Variants in KCTD16 observed in about 807,000 individuals in gnomAD.
KCTD16 encodes the protein potassium channel tetramerization domain containing 16.
A neutral mutation model predicts 33.2 loss-of-function variants in KCTD16; 13 were observed. The observed-to-expected ratio is 0.39, with a 90% CI of 0.25 to 0.62. KCTD16 has a LOEUF of 0.62. KCTD16 is among the 20% of genes least tolerant of loss of function. The probability of loss-of-function intolerance (pLI) is 0.50; values close to 1 mark genes in which losing one functional copy is unlikely to be tolerated. For missense variants in KCTD16, 441 were observed against 525.1 expected (o/e 0.84, Z 1.57); for synonymous variants, 197 against 195.3 (o/e 1.01, Z -0.07).
At chr5:144,367,690 A>AT (rs949901748) in intron 3 of KCTD16, among the ~76,000 whole-genome samples, 35 of 144,988 alleles carry the variant, frequency 2.4e-4, no homozygotes, top group South Asian at 6.7e-4. Context: ...TCTTTCATTT[A>AT]TTTTTTTTTT....
intron 3 of KCTD16, among the ~76,000 whole-genome samples, chr5:144,393,963 CTTTTTTT>C (rs70995050): frequency 0.012 from 1,454 of 122,006 alleles, 10 homozygotes; most frequent in Middle Eastern, 0.022. Flanking sequence ...TTTCTTTTTT[CTTTTTTT>C]TTTTTTTTTT....
chr5:144,424,921 TCTC>T (rs1297245327), intron 3 of KCTD16, among the ~76,000 whole-genome samples: 1 of 152,102 alleles, frequency 6.6e-6, no homozygotes, highest in Non-Finnish European at 1.5e-5. Context: ...TAGCATTCCA[TCTC>T]TGGCTCCCAC....
rs79431041 is a variant in KCTD16 at position 144,229,407 on chromosome 5, C to G, written c.832+21861C>G. 8.7e-3 allele frequency among the ~76,000 whole-genome samples: 1,324 copies of G among 151,968 alleles called. 16 individuals are homozygous for G. The highest frequency in any genetic ancestry group is 0.03 in the African/African-American group (1,254 of 41,440). On this transcript the variant is annotated intron_variant, in intron 3 of 3. Coordinates refer to ENST00000512467, the MANE Select transcript of KCTD16 (RefSeq NM_020768.4). The stretch of plus-strand genomic sequence containing the variant: ...GAAGATAGTGTTGTTTGAAGTTGAG[C>G]TTATGGAGGGTCAATGAATGAATAA...
chr5:144,249,307 CAT>C (rs1327964057), intron 3 of KCTD16, among the ~76,000 whole-genome samples: 2 of 152,106 alleles, frequency 1.3e-5, no homozygotes, highest in African/African-American at 2.4e-5. Flanking sequence ...GATTGCAGCT[CAT>C]GTGTTCACTC....
At chr5:144,183,382 G>T (rs1752665132) in intron 2 of KCTD16, among the ~76,000 whole-genome samples, 2 of 151,954 alleles carry the variant, frequency 1.3e-5, no homozygotes, top group Admixed American at 1.3e-4. Context: ...CACAACATTT[G>T]CTGTTTGCTT....
chr5:144,287,630 A>G (rs1402413659), intron 3 of KCTD16, among the ~76,000 whole-genome samples: 2 of 152,010 alleles, frequency 1.3e-5, no homozygotes, highest in South Asian at 2.1e-4. Context: ...AGTCTTTAAT[A>G]ATAATATTAT....
rs1754615904 is a variant in KCTD16, at chr5:144,477,308, A to G, written c.*3194A>G. On this transcript the variant is annotated 3_prime_UTR_variant, in exon 4 of 4. Transcript: ENST00000512467. ...AATATGCACTGATGTTATCCTTTGTATTTATAGGCACAGTTATCTTACTGA... is the reference window on the plus strand; with the variant it reads ...AATATGCACTGATGTTATCCTTTGTGTTTATAGGCACAGTTATCTTACTGA... 1 of 152,144 alleles carries G rather than the reference A, an allele frequency of 6.6e-6. No homozygotes were observed. Among genetic ancestry groups the G allele is most frequent in the Non-Finnish European group, 1.5e-5 (1 of 68,006 alleles). The allele number at this position is 152,144 out of a possible 1,614,324, so 9.4% of individuals were successfully genotyped here.
chr5:144,426,463 C>T (rs182050028), intron 3 of KCTD16, among the ~76,000 whole-genome samples: 2 of 152,122 alleles, frequency 1.3e-5, no homozygotes, highest in African/African-American at 4.8e-5. Context: ...CTAGCCTGCT[C>T]TCTAAAATTC....
intron 3 of KCTD16, among the ~76,000 whole-genome samples, chr5:144,246,900 G>T (rs973542648): frequency 6.6e-6 from 1 of 152,100 alleles, no homozygotes; most frequent in African/African-American, 2.4e-5. Flanking sequence ...ATGAACTTTG[G>T]AGTCAGTTAT....
intron 3 of KCTD16, among the ~76,000 whole-genome samples, chr5:144,240,286 C>A (rs1199659458): frequency 6.6e-6 from 1 of 152,134 alleles, no homozygotes; most frequent in East Asian, 1.9e-4. Context: ...ATTATGAAAC[C>A]TCCCGATATC....
At chr5:144,204,044 T>G (rs1256731537) in intron 2 of KCTD16, among the ~76,000 whole-genome samples, 1 of 152,180 alleles carries the variant, frequency 6.6e-6, no homozygotes, top group African/African-American at 2.4e-5. Context: ...AAGTCAAATA[T>G]AATCAGGTGT....
At chr5:144,267,923 G>A (rs1323528475) in intron 3 of KCTD16, among the ~76,000 whole-genome samples, 1 of 152,164 alleles carries the variant, frequency 6.6e-6, no homozygotes, top group African/African-American at 2.4e-5. Flanking sequence ...TACATGAGTG[G>A]AGAGGATTCT....
chr5:144,299,242 A>G (rs1226779358), intron 3 of KCTD16, among the ~76,000 whole-genome samples: 3 of 145,048 alleles, frequency 2.1e-5, no homozygotes, highest in African/African-American at 5.0e-5. Flanking sequence ...AAAATCTTCA[A>G]CCTCTTTCAT....
intron 3 of KCTD16, among the ~76,000 whole-genome samples, chr5:144,300,124 C>T (rs763850858): frequency 1.3e-5 from 2 of 151,952 alleles, no homozygotes; most frequent in Non-Finnish European, 2.9e-5. Flanking sequence ...ATGATCTTAG[C>T]ACATGTTTGT....
At chr5:144,205,791 C>T in intron 2 of KCTD16, 1 of 387,560 alleles carries the variant, frequency 2.6e-6, no homozygotes, top group East Asian at 3.6e-5. Context: ...CTTGTTTTAA[C>T]TTAAGATACG....
intron 3 of KCTD16, among the ~76,000 whole-genome samples, chr5:144,277,081 C>T (rs577871068): frequency 2.7e-4 from 41 of 152,170 alleles, no homozygotes; most frequent in Middle Eastern, 3.4e-3. Flanking sequence ...GCTGCATATC[C>T]ATAGATTTTA....
At chr5:144,183,727 G>C (rs376918264) in intron 2 of KCTD16, among the ~76,000 whole-genome samples, 1 of 152,146 alleles carries the variant, frequency 6.6e-6, no homozygotes, top group African/African-American at 2.4e-5. Context: ...GGGCATTTTT[G>C]TTCATTGATG....
chr5:144,184,975 A>G (rs1752695662), intron 2 of KCTD16, among the ~76,000 whole-genome samples: 2 of 152,228 alleles, frequency 1.3e-5, no homozygotes, highest in South Asian at 4.1e-4. Flanking sequence ...AGATCTCAGT[A>G]ATAAATATAA....
At chr5:144,236,613 C>T (rs1754261226) in intron 3 of KCTD16, among the ~76,000 whole-genome samples, 1 of 152,120 alleles carries the variant, frequency 6.6e-6, no homozygotes, top group African/African-American at 2.4e-5. Flanking sequence ...CTTAGATAAA[C>T]TTGCTGTTAG....
Sources: gnomAD v4.1 joint callset for allele counts (sites outside exome capture counted in the v4.1 genomes callset) on GRCh38, gnomAD v4.1.1 for gene constraint, MANE v1.5 for transcripts, NCBI Gene and HGNC (gene_info 2026-07-23, HGNC 2026-07-21) for gene names.